The following PPP2R2B variants were observed in gnomAD, a reference collection of about 807,000 sequenced individuals.
PPP2R2B encodes serine/threonine-protein phosphatase 2A 55 kDa regulatory subunit B beta isoform.
In PPP2R2B, 5 loss-of-function variants were observed where a neutral mutation model predicts 46.0. That is an observed-to-expected ratio of 0.11 (90% CI 0.06 to 0.23). PPP2R2B has a LOEUF of 0.23. Ranked by LOEUF, PPP2R2B falls within the 10% of genes least tolerant of loss-of-function variation. The pLI is 1.00. For missense variants in PPP2R2B, 367 were observed against 575.0 expected, an observed-to-expected ratio of 0.64 and a Z score of 3.70; for synonymous variants, 215 against 206.7, an observed-to-expected ratio of 1.04 and a Z score of -0.34.
intron 2 of PPP2R2B, among the ~76,000 whole-genome samples, chr5:146,776,802 A>G (rs1170210265): frequency 3.3e-5 from 5 of 152,230 alleles, no homozygotes; most frequent in Admixed American, 3.3e-4. Context: ...CTCAGCAACA[A>G]AAAGACAAAC....
At chr5:146,601,118 C>T (rs1771740103) in intron 7 of PPP2R2B, among the ~76,000 whole-genome samples, 1 of 152,174 alleles carries the variant, frequency 6.6e-6, no homozygotes, top group Non-Finnish European at 1.5e-5. Flanking sequence ...TGTATCAGGT[C>T]TTCATTCTTC....
In PPP2R2B at chr5:146,856,681, C is replaced by G. The variant is rs544361760; in HGVS notation, c.70+21321G>C. On this transcript the variant is annotated intron_variant, in intron 2 of 9. Coordinates refer to ENST00000394411, the MANE Select transcript of PPP2R2B (RefSeq NM_181675.4). ...GCATTTACATACTTTCCACATACCC[C>G]CTACCATCTCTTTGGGAGAGTTTGC... The G allele has an allele frequency of 7.0e-5, 56 of 805,382 alleles. 1 individual carries two copies. In the South Asian group the frequency reaches 7.2e-4, roughly 10 times the overall value. 49.9% of individuals were successfully genotyped at this position (805,382 alleles called of 1,614,324 possible).
At chr5:146,677,062 G>C (rs1777778417) in intron 5 of PPP2R2B, among the ~76,000 whole-genome samples, 1 of 143,838 alleles carries the variant, frequency 7.0e-6, no homozygotes, top group Non-Finnish European at 1.5e-5. Flanking sequence ...TGTCTGCTTT[G>C]TCTGCTTTGA....
intron 2 of PPP2R2B, among the ~76,000 whole-genome samples, chr5:146,735,174 T>C (rs1028038675): frequency 6.6e-6 from 1 of 152,126 alleles, no homozygotes; most frequent in Non-Finnish European, 1.5e-5. Context: ...TGATAATAAA[T>C]TGGGTAGCAC....
chr5:146,698,317 A>AAAT (rs1250416449), intron 3 of PPP2R2B, among the ~76,000 whole-genome samples, 173 bp from the exon 4 acceptor site: 25 of 85,652 alleles, frequency 2.9e-4, no homozygotes, highest in African/African-American at 6.4e-4. Flanking sequence ...AAAAAAAAAA[A>AAAT]ATATATATAT....
At chr5:147,002,554 G>A (rs904308688) in intron 1 of PPP2R2B, among the ~76,000 whole-genome samples, 1 of 149,356 alleles carries the variant, frequency 6.7e-6, no homozygotes, top group Admixed American at 6.6e-5. Context: ...CACTAAATCC[G>A]ATTTTTCTCG....
At chr5:146,760,967 C>T (rs1235878921) in intron 2 of PPP2R2B, among the ~76,000 whole-genome samples, 2 of 152,198 alleles carry the variant, frequency 1.3e-5, no homozygotes, top group South Asian at 2.1e-4. Flanking sequence ...CAATGAGATA[C>T]CATCTCACAC....
intron 1 of PPP2R2B, among the ~76,000 whole-genome samples, chr5:146,905,543 C>T (rs1356645714): frequency 1.3e-5 from 2 of 152,186 alleles, no homozygotes; most frequent in Non-Finnish European, 2.9e-5. Flanking sequence ...ACATGAGGCA[C>T]TGTTCCTGGC....
At chr5:147,045,492 G>T (rs1383647484) in intron 1 of PPP2R2B, among the ~76,000 whole-genome samples, 1 of 152,032 alleles carries the variant, frequency 6.6e-6, no homozygotes, top group Non-Finnish European at 1.5e-5. Context: ...AGCACAGACT[G>T]TGTTTCCCCA....
At chr5:146,609,372 A>G (rs1772619315) in intron 7 of PPP2R2B, among the ~76,000 whole-genome samples, 2 of 152,246 alleles carry the variant, frequency 1.3e-5, no homozygotes, top group Non-Finnish European at 2.9e-5. Flanking sequence ...ACAAAGGAAG[A>G]AAAGGCATCC....
chr5:146,801,003 A>C (rs1474694230), intron 2 of PPP2R2B, among the ~76,000 whole-genome samples: 1 of 152,190 alleles, frequency 6.6e-6, no homozygotes, highest in African/African-American at 2.4e-5. Flanking sequence ...AGCCTTTAAA[A>C]GGAAGGAAAT....
chr5:146,869,596 T>C (rs544097902), intron 2 of PPP2R2B, among the ~76,000 whole-genome samples: 2 of 152,320 alleles, frequency 1.3e-5, no homozygotes, highest in African/African-American at 4.8e-5. Flanking sequence ...TGTACATGTA[T>C]ATTTAAATGT....
At chr5:146,977,290 G>A (rs1218274238) in intron 1 of PPP2R2B, among the ~76,000 whole-genome samples, 1 of 152,022 alleles carries the variant, frequency 6.6e-6, no homozygotes, top group Non-Finnish European at 1.5e-5. Flanking sequence ...ATGCAGTGGG[G>A]CAAGCATAGT....
At chr5:147,024,847 G>A (rs1755454749) in intron 1 of PPP2R2B, among the ~76,000 whole-genome samples, 1 of 152,044 alleles carries the variant, frequency 6.6e-6, no homozygotes, top group African/African-American at 2.4e-5. Flanking sequence ...AGCTTTAAAT[G>A]CTTATGTTAG....
intron 2 of PPP2R2B, among the ~76,000 whole-genome samples, chr5:146,812,789 GTGTGTA>G (rs1246165498): frequency 0.017 from 107 of 6,412 alleles, 11 homozygotes; most frequent in African/African-American, 0.056. Context: ...GTGTGTATAT[GTGTGTA>G]TATATATATA....
chr5:146,855,392 A>C (rs187784669), intron 2 of PPP2R2B, among the ~76,000 whole-genome samples: 46 of 152,346 alleles, frequency 3.0e-4, no homozygotes, highest in African/African-American at 1.1e-3. Context: ...CTAACATTGC[A>C]TAGTTCCCTT....
intron 2 of PPP2R2B, chr5:146,706,342 G>A (rs542125754): frequency 1.0e-5 from 6 of 587,922 alleles, no homozygotes; most frequent in Admixed American, 2.0e-5. Flanking sequence ...AGCTCAGGCC[G>A]TAGCTGAGGC....
chr5:146,682,507 T>A (rs905835121), intron 5 of PPP2R2B, among the ~76,000 whole-genome samples: 1 of 152,222 alleles, frequency 6.6e-6, no homozygotes, highest in Non-Finnish European at 1.5e-5. Flanking sequence ...TTTAAAAATA[T>A]GGCTGTGCCA....
chr5:146,715,508 T>C (rs1355883138), intron 2 of PPP2R2B, among the ~76,000 whole-genome samples: 2 of 152,202 alleles, frequency 1.3e-5, no homozygotes, highest in South Asian at 2.1e-4. Flanking sequence ...CCTAAATCTA[T>C]AGATCCATCG....
Sources: allele counts gnomAD v4.1 joint callset (sites outside exome capture counted in the v4.1 genomes callset), GRCh38; gene constraint gnomAD v4.1.1; transcripts MANE v1.5; gene names NCBI Gene and HGNC (gene_info 2026-07-23, HGNC 2026-07-21).